The following TMEM212 variants were observed in gnomAD, a reference collection of about 807,000 sequenced individuals.
TMEM212 encodes the protein transmembrane protein 212.
TMEM212 carries 23 observed loss-of-function variants against 20.5 expected under a neutral mutation model. That is an observed-to-expected ratio of 1.12 (90% CI 0.81 to 1.59). TMEM212 has a LOEUF of 1.59. Ranked by LOEUF, TMEM212 falls within the 40% of genes most tolerant of loss-of-function variation. TMEM212 has a pLI of 0.00. For synonymous variants in TMEM212, 76 were observed against 81.6 expected (o/e 0.93, Z 0.37); for missense variants, 211 against 215.0 (o/e 0.98, Z 0.12).
chr3:171,843,687 T>C (rs146151845), intron 1 of TMEM212, 145 bp downstream of exon 1: 7,717 of 626,602 alleles, frequency 0.012, 75 homozygotes, highest in Middle Eastern at 0.029. Context: ...CCTTGGAACA[T>C]TGATTTCTAT....
intron 3 of TMEM212, among the ~76,000 whole-genome samples, chr3:171,854,194 A>C (rs983421729): frequency 2.0e-5 from 3 of 152,172 alleles, no homozygotes; most frequent in Non-Finnish European, 4.4e-5. Context: ...ATTAGGCAAG[A>C]AAAAGAAATT....
rs545096174 is a variant in TMEM212 at position 171,859,232 on chromosome 3, T to C, written c.*1175T>C. Reference sequence around the variant, plus strand: ...AGTTGATGGGTGTGGCAAACCAACATGGCACATATATACCTATGCAACAAA... The same window carrying C: ...AGTTGATGGGTGTGGCAAACCAACACGGCACATATATACCTATGCAACAAA... On this transcript the variant is annotated 3_prime_UTR_variant, in exon 5 of 5. Coordinates refer to ENST00000334567, the MANE Select transcript of TMEM212 (RefSeq NM_001164436.2). 50 of 152,060 alleles carry C rather than the reference T, an allele frequency of 3.3e-4. No homozygotes were observed. Among genetic ancestry groups the C allele is most frequent in the Non-Finnish European group, 2.9e-5 (2 of 67,996 alleles). 9.4% of individuals were successfully genotyped at this position (152,060 alleles called of 1,614,324 possible).
chr3:171,852,256 A>G (rs1229213033), intron 2 of TMEM212, among the ~76,000 whole-genome samples: 1 of 151,734 alleles, frequency 6.6e-6, no homozygotes, highest in Non-Finnish European at 1.5e-5. Flanking sequence ...GCTGGAGTGC[A>G]GTGGCATGAT....
chr3:171,856,968 A>G, intron 4 of TMEM212: 1 of 287,244 alleles, frequency 3.5e-6, no homozygotes, highest in South Asian at 1.0e-4. Flanking sequence ...AAATCACCTA[A>G]GCCCACAAAG....
chr3:171,847,190 T>C (rs577252224), intron 1 of TMEM212, among the ~76,000 whole-genome samples: 11 of 152,214 alleles, frequency 7.2e-5, no homozygotes, highest in Non-Finnish European at 1.6e-4. Flanking sequence ...CCATAAGGAA[T>C]GAGTTCTATT....
chr3:171,848,580 G>GAATAGA (rs1724891141), intron 1 of TMEM212, among the ~76,000 whole-genome samples: 48 of 144,632 alleles, frequency 3.3e-4, no homozygotes, highest in African/African-American at 1.2e-3. Flanking sequence ...AATAGAATAG[G>GAATAGA]ATAGAATAGA....
chr3:171,844,199 G>A lies in TMEM212; in HGVS notation c.159+657G>A, dbSNP rs117798360. Among the ~76,000 whole-genome samples, 31 of 152,188 alleles carry A rather than the reference G, an allele frequency of 2.0e-4. No homozygotes were observed. In the East Asian group the frequency reaches 4.6e-3, roughly 23 times the overall value. ...TCATTGAATCATTGCACAGATAAAC[G>A]ATTGGCCTGGTCCCTTAGCTCTCCA... On this transcript the variant is annotated intron_variant, in intron 1 of 4. Transcript: ENST00000334567.
At chr3:171,848,560 C>CATAGAATAGAATAGAATAGG (rs1724890089) in intron 1 of TMEM212, among the ~76,000 whole-genome samples, 2 of 44,344 alleles carry the variant, frequency 4.5e-5, no homozygotes, top group Non-Finnish European at 8.5e-5. Context: ...ACAATAAATG[C>CATAGAATAGAATAGAATAGG]ATAGAATAGA....
intron 1 of TMEM212, among the ~76,000 whole-genome samples, chr3:171,845,272 A>T (rs1724806323): frequency 6.6e-6 from 1 of 152,222 alleles, no homozygotes; most frequent in Non-Finnish European, 1.5e-5. Context: ...TTCTCTCTAG[A>T]TAAATAGATA....
At position 171,852,049 on chromosome 3, in the gene TMEM212, T is replaced by A; in HGVS notation, c.219+8T>A. 1 of 1,535,736 alleles carries A rather than the reference T, an allele frequency of 6.5e-7. No individual in the cohort carries two copies. The highest frequency in any genetic ancestry group is 8.7e-7 in the Non-Finnish European group (1 of 1,145,562). On this transcript the variant is annotated splice_region_variant and intron_variant, in intron 2 of 4. Transcript: ENST00000334567. The stretch of plus-strand genomic sequence containing the variant: ...TGGACCCAGAGGTACCTGGTAAATA[T>A]ACCGATGCCAAGTAGGATGGTAGAG...
At chr3:171,855,684 A>T (rs1725098295) in intron 3 of TMEM212, among the ~76,000 whole-genome samples, 1 of 152,192 alleles carries the variant, frequency 6.6e-6, no homozygotes, top group African/African-American at 2.4e-5. Flanking sequence ...AAAAGTGCCC[A>T]TTGGACTGGT....
chr3:171,848,666 T>C (rs1724897186), intron 1 of TMEM212, among the ~76,000 whole-genome samples: 1 of 141,002 alleles, frequency 7.1e-6, no homozygotes, highest in South Asian at 2.3e-4. Context: ...ATGGAATAGA[T>C]AATATTAGAA....
At chr3:171,856,606 A>C in intron 3 of TMEM212, 57 bp from the exon 4 acceptor site, 1 of 640,184 alleles carries the variant, frequency 1.6e-6, no homozygotes, top group Non-Finnish European at 2.8e-6. Context: ...CTCCCACAGA[A>C]TCATAGGACT....
chr3:171,843,964 T>C (rs1266945512), intron 1 of TMEM212, among the ~76,000 whole-genome samples: 3 of 152,232 alleles, frequency 2.0e-5, no homozygotes, highest in Admixed American at 6.5e-5. Flanking sequence ...AACACTAAGA[T>C]GTACATGGCC....
At chr3:171,856,821 C>A in intron 4 of TMEM212, 114 bp downstream of exon 4, 1 of 425,676 alleles carries the variant, frequency 2.3e-6, no homozygotes, top group Non-Finnish European at 4.2e-6. Flanking sequence ...TAGTTGAACT[C>A]CTTTACCTAA....
At chr3:171,843,797 AAAGTT>A (rs1170670442) in intron 1 of TMEM212, among the ~76,000 whole-genome samples, 1 of 152,208 alleles carries the variant, frequency 6.6e-6, no homozygotes, top group Non-Finnish European at 1.5e-5. Context: ...AAATTCTTAA[AAAGTT>A]ATTTTATTTT....
At position 171,858,616 on chromosome 3, in the gene TMEM212, A is replaced by G. The variant is rs983562661; in HGVS notation, c.*559A>G. Reference sequence around the variant, plus strand: ...GGGCTTCTGCATGGCAAAAGAAACTATCATCAGAGTGAACAGGCAACCTAC... The same window carrying G: ...GGGCTTCTGCATGGCAAAAGAAACTGTCATCAGAGTGAACAGGCAACCTAC... On this transcript the variant is annotated 3_prime_UTR_variant, in exon 5 of 5. Transcript: ENST00000334567. 1 of 152,152 alleles carries G rather than the reference A, an allele frequency of 6.6e-6. No individual in the cohort carries two copies. Among genetic ancestry groups the G allele is most frequent in the African/African-American group, 2.4e-5 (1 of 41,392 alleles). 9.4% of individuals were successfully genotyped at this position (152,152 alleles called of 1,614,324 possible).
At chr3:171,849,974 T>C (rs1724935260) in intron 1 of TMEM212, among the ~76,000 whole-genome samples, 1 of 152,090 alleles carries the variant, frequency 6.6e-6, no homozygotes. Context: ...CCCTTCCTCA[T>C]AACCTGGCCT....
chr3:171,849,618 G>C (rs1283993843), intron 1 of TMEM212, among the ~76,000 whole-genome samples: 2 of 152,152 alleles, frequency 1.3e-5, no homozygotes, highest in African/African-American at 4.8e-5. Context: ...CACATTGCTT[G>C]TTTGCAGTAG....
Sources: gnomAD v4.1 joint callset for allele counts (sites outside exome capture counted in the v4.1 genomes callset) on GRCh38, gnomAD v4.1.1 for gene constraint, MANE v1.5 for transcripts, NCBI Gene and HGNC (gene_info 2026-07-23, HGNC 2026-07-21) for gene names.